Variants in ZNF57 observed in about 807,000 individuals in gnomAD.
The protein encoded by ZNF57 is zinc finger protein 57, also known as zinc finger protein 424.
A neutral mutation model predicts 13.4 loss-of-function variants in ZNF57; 11 were observed. The observed-to-expected ratio is 0.82, with a 90% CI of 0.52 to 1.36. The LOEUF (loss-of-function observed/expected upper bound fraction) is 1.36. Ranked by LOEUF, ZNF57 falls within the 40% of genes most tolerant of loss-of-function variation. The pLI is 0.00. For missense variants in ZNF57, 696 were observed against 667.5 expected, an observed-to-expected ratio of 1.04 and a Z score of -0.47; for synonymous variants, 224 against 238.5, an observed-to-expected ratio of 0.94 and a Z score of 0.56.
chr19:2,908,808 C>T (rs890939075), intron 1 of ZNF57, among the ~76,000 whole-genome samples: 1 of 152,126 alleles, frequency 6.6e-6, no homozygotes, highest in Non-Finnish European at 1.5e-5. Context: ...TATCACTCTC[C>T]TATTGCCCCG....
chr19:2,917,337 T>A lies in ZNF57; in HGVS notation c.716T>A (p.Phe239Tyr). The A allele has an allele frequency of 6.2e-7, 1 of 1,614,146 alleles. No individual in the cohort carries two copies. Among genetic ancestry groups the A allele is most frequent in the Non-Finnish European group, 8.5e-7 (1 of 1,180,026 alleles). The part of the protein sequence containing the change: ...CRMAFNGFAS[F>Y]TRHVRTHTKD... Reference sequence around the variant, plus strand: ...ATGGCGTTTAATGGGTTCGCAAGCTTCACTAGACATGTGAGAACTCACACA... The same window carrying A: ...ATGGCGTTTAATGGGTTCGCAAGCTACACTAGACATGTGAGAACTCACACA... The change falls in exon 4 of 4, where the codon TTC becomes TAC. Residue 239 changes from phenylalanine (F) to tyrosine (Y), a missense_variant. By Grantham distance (22) the Phe-to-Tyr change is conservative (BLOSUM62 3). Coordinates refer to ENST00000306908, the MANE Select transcript of ZNF57 (RefSeq NM_173480.3).
intron 1 of ZNF57, among the ~76,000 whole-genome samples, chr19:2,906,535 C>G (rs1031628941): frequency 2.0e-5 from 3 of 152,190 alleles, no homozygotes; most frequent in African/African-American, 7.2e-5. Flanking sequence ...CACAGCCTTG[C>G]CCGTCTACCC....
At chr19:2,907,482 AT>A (rs1433450084) in intron 1 of ZNF57, among the ~76,000 whole-genome samples, 1 of 152,032 alleles carries the variant, frequency 6.6e-6, no homozygotes, top group East Asian at 1.9e-4. Context: ...CATAGGAATT[AT>A]TTTTCCCCCA....
intron 1 of ZNF57, among the ~76,000 whole-genome samples, chr19:2,911,325 G>GT (rs1297067027): frequency 6.6e-6 from 1 of 152,076 alleles, no homozygotes; most frequent in Non-Finnish European, 1.5e-5. Context: ...GAGGTCAGGA[G>GT]TTTGAGACCA....
rs1004512023 is a variant in ZNF57 at position 2,904,454 on chromosome 19, A to G, written c.3+3406A>G. Reference sequence around the variant, plus strand: ...ACTCCTGGCTTTAAGTCATCCCCTCACCTCAGCTTTCCAAGTAGCTGAGAC... The same window carrying G: ...ACTCCTGGCTTTAAGTCATCCCCTCGCCTCAGCTTTCCAAGTAGCTGAGAC... On this transcript the variant is annotated intron_variant, in intron 1 of 3. Coordinates refer to ENST00000306908, the MANE Select transcript of ZNF57 (RefSeq NM_173480.3). Among the ~76,000 whole-genome samples, 11 of 151,874 alleles carry G rather than the reference A, an allele frequency of 7.2e-5. No individual in the cohort carries two copies. The South Asian group carries it at 8.3e-4, about 11-fold the overall frequency.
At chr19:2,903,771 G>A (rs2088049321) in intron 1 of ZNF57, among the ~76,000 whole-genome samples, 1 of 150,572 alleles carries the variant, frequency 6.6e-6, no homozygotes, top group African/African-American at 2.4e-5. Context: ...CTGGAGTGCA[G>A]TGGTGCGATC....
intron 1 of ZNF57, among the ~76,000 whole-genome samples, chr19:2,907,407 T>C (rs1252361200): frequency 1.3e-5 from 2 of 152,116 alleles, no homozygotes; most frequent in South Asian, 2.1e-4. Context: ...AAGCGCAAAT[T>C]AAATCTCTAA....
intron 1 of ZNF57, among the ~76,000 whole-genome samples, chr19:2,903,491 C>T (rs1006193003): frequency 1.3e-5 from 2 of 152,166 alleles, no homozygotes; most frequent in African/African-American, 4.8e-5. Flanking sequence ...GGATTTCAGG[C>T]GTGAGCCACC....
At chr19:2,914,956 C>A (rs991250150) in intron 1 of ZNF57, among the ~76,000 whole-genome samples, 1 of 152,108 alleles carries the variant, frequency 6.6e-6, no homozygotes, top group African/African-American at 2.4e-5. Flanking sequence ...CAAACATATT[C>A]ATACAGTTGC....
intron 1 of ZNF57, among the ~76,000 whole-genome samples, chr19:2,906,789 G>A (rs1403595613): frequency 1.3e-5 from 2 of 152,206 alleles, no homozygotes; most frequent in African/African-American, 4.8e-5. Flanking sequence ...GGTGCCATAA[G>A]TATCATTTCC....
intron 1 of ZNF57, among the ~76,000 whole-genome samples, chr19:2,905,794 A>G (rs1386034886): frequency 6.7e-6 from 1 of 149,304 alleles, no homozygotes; most frequent in African/African-American, 2.5e-5. Flanking sequence ...TTGTCCCTCT[A>G]CCTTGTTCTG....
At chr19:2,915,322 G>T (rs2088180477) in intron 1 of ZNF57, 200 bp from the exon 2 acceptor site, 2 of 585,814 alleles carry the variant, frequency 3.4e-6, no homozygotes, top group South Asian at 4.9e-5. Flanking sequence ...GCAGTAAAAA[G>T]GCAGAGATAA....
chr19:2,901,426 G>T (rs914459944), intron 1 of ZNF57, among the ~76,000 whole-genome samples: 9 of 152,164 alleles, frequency 5.9e-5, no homozygotes, highest in African/African-American at 2.2e-4. Context: ...CAGGCTTAGT[G>T]TGAGCCACAA....
In ZNF57 at chr19:2,917,507, C is replaced by G. The variant is rs781015655; in HGVS notation, c.886C>G (p.Gln296Glu). 1 of 1,613,152 alleles carries G rather than the reference C, an allele frequency of 6.2e-7. No individual in the cohort carries two copies. Among genetic ancestry groups the G allele is most frequent in the Non-Finnish European group, 8.5e-7 (1 of 1,179,690 alleles). ...AGCCTTCACTTACCCCCAGGCTTTT[C>G]AAAGACATGAGAAGACGCACACGGG... ...GKAFTYPQAF[Q>E]RHEKTHTGEK... The change falls in exon 4 of 4, where the codon CAA becomes GAA. Residue 296 changes from glutamine (Q) to glutamate (E), a missense_variant. This residue lies in a region of ZNF57 where 645 missense variants were observed against 591.5 expected (regional missense o/e 1.09). Coordinates refer to ENST00000306908, the MANE Select transcript of ZNF57 (RefSeq NM_173480.3).
In ZNF57 at chr19:2,916,908, C is replaced by G; in HGVS notation, c.303-16C>G. 6.5e-7 allele frequency: 1 copy of G among 1,544,504 alleles called. No individual in the cohort carries two copies. ...CTAAACATACCATACATAAAAATGTCTCTCATTTTTAACAGAAATCATATG... is the reference window on the plus strand; with the variant it reads ...CTAAACATACCATACATAAAAATGTGTCTCATTTTTAACAGAAATCATATG... On this transcript the variant is annotated splice_polypyrimidine_tract_variant and intron_variant, in intron 3 of 3. Coordinates refer to ENST00000306908, the MANE Select transcript of ZNF57 (RefSeq NM_173480.3).
At position 2,916,950 on chromosome 19, in the gene ZNF57, C is replaced by G. The variant is rs969041278; in HGVS notation, c.329C>G (p.Thr110Arg). 2 of 1,603,674 alleles carry G rather than the reference C, an allele frequency of 1.2e-6. No homozygotes were observed. The highest frequency in any genetic ancestry group is 1.7e-6 in the Non-Finnish European group (2 of 1,175,442). ...AATCATATGGTGGACAGATTCTGTACACATAATGAAGGTAATCAATATGGA... is the reference window on the plus strand; with the variant it reads ...AATCATATGGTGGACAGATTCTGTAGACATAATGAAGGTAATCAATATGGA... ...LRNHMVDRFC[T>R]HNEGNQYGEA... The change falls in exon 4 of 4, where the codon ACA (threonine) becomes AGA (arginine). Residue 110 changes from threonine (T) to arginine (R), a missense_variant. Thr to Arg is a moderately conservative substitution (Grantham distance 71). Transcript: ENST00000306908.
chr19:2,912,062 A>G (rs1183543426), intron 1 of ZNF57: 1 of 152,236 alleles, frequency 6.6e-6, no homozygotes, highest in Non-Finnish European at 1.5e-5. Flanking sequence ...ACTGAAGTAA[A>G]TAGACCTTTA....
intron 1 of ZNF57, among the ~76,000 whole-genome samples, chr19:2,912,489 C>T (rs901797202): frequency 2.0e-5 from 3 of 152,228 alleles, no homozygotes; most frequent in Non-Finnish European, 2.9e-5. Flanking sequence ...ACGGTTCCCA[C>T]AGAGGCTTCT....
intron 1 of ZNF57, 101 bp downstream of exon 1, chr19:2,901,149 C>T (rs1354611706): frequency 2.8e-6 from 4 of 1,406,156 alleles, no homozygotes; most frequent in African/African-American, 1.5e-5. Context: ...GGCTGAGGGA[C>T]GCGCGGGGCG....
Sources: gnomAD v4.1 joint callset for allele counts (sites outside exome capture counted in the v4.1 genomes callset) on GRCh38, gnomAD v4.1.1 for gene constraint, gnomAD v4.1.1 regional missense constraint, MANE v1.5 for transcripts, NCBI Gene and HGNC (gene_info 2026-07-23, HGNC 2026-07-21) for gene names.